Variants in ACIN1 observed in about 807,000 individuals in gnomAD.
ACIN1 encodes the protein apoptotic chromatin condensation inducer in the nucleus.
A neutral mutation model predicts 146.6 loss-of-function variants in ACIN1; 16 were observed. That is an observed-to-expected ratio of 0.11 (90% CI 0.07 to 0.17). The LOEUF is 0.17. Ranked by LOEUF, ACIN1 falls within the 10% of genes least tolerant of loss-of-function variation. ACIN1 has a pLI of 1.00. For synonymous variants in ACIN1, 569 were observed against 582.7 expected, an observed-to-expected ratio of 0.98 and a Z score of 0.34; for missense variants, 1,357 against 1,609.3, an observed-to-expected ratio of 0.84 and a Z score of 2.68.
chr14:23,066,623 G>A (rs1049886048), intron 9 of ACIN1: 1 of 152,336 alleles, frequency 6.6e-6, no homozygotes, highest in African/African-American at 2.4e-5. Context: ...CAGACCCACT[G>A]GAGATGAGGC....
At chr14:23,061,695 C>G (rs938992111) in intron 16 of ACIN1, 73 bp from the exon 17 acceptor site, 10 of 1,389,664 alleles carry the variant, frequency 7.2e-6, no homozygotes, top group Non-Finnish European at 8.6e-6. Flanking sequence ...CCAGGATGGC[C>G]GGGCGCGGTG....
chr14:23,059,527 C>T lies in ACIN1; in HGVS notation c.3526-53G>A, dbSNP rs1053653287. ...TAGGCAGCTCAGTCCTGGTCACAGC[C>T]TCCATTTGTGCCTGGACCCTGCCTC... On this transcript the variant is annotated intron_variant, in intron 18 of 18. Coordinates refer to ENST00000605057, the MANE Select transcript of ACIN1 (RefSeq NM_001386863.1). 7 of 1,465,058 alleles carry T rather than the reference C, an allele frequency of 4.8e-6. No individual in the cohort carries two copies. The African/African-American group carries it at 9.7e-5, about 20-fold the overall frequency. 90.8% of individuals were successfully genotyped at this position (1,465,058 alleles called of 1,614,324 possible).
At chr14:23,071,732 T>C (rs139875099) in intron 8 of ACIN1, 2 of 607,848 alleles carry the variant, frequency 3.3e-6, no homozygotes, top group African/African-American at 3.8e-5. Context: ...TTACAGCAGC[T>C]ACAGAGGCTT....
chr14:23,062,968 G>T lies in ACIN1; in HGVS notation c.2844C>A (p.Pro948=). ...GGACAATGTTGCTAATCTTGCCCCG[G>T]GGTGGGGAGGGCACCTGGGCAGTTC... ...PVRTAQVPSP[P]RGKISNIVHI... is the part of the protein sequence containing the mutation. The change falls in exon 14 of 19, where the codon CCC becomes CCA. Residue 948 remains proline (P), a synonymous_variant. Transcript: ENST00000605057. The T allele has an allele frequency of 6.2e-7, 1 of 1,612,296 alleles. No homozygotes were observed. Among genetic ancestry groups the T allele is most frequent in the Non-Finnish European group, 8.5e-7 (1 of 1,179,512 alleles).
chr14:23,059,183 T>A lies in ACIN1; in HGVS notation c.3817A>T (p.Ser1273Cys). Reference sequence around the variant, plus strand: ...CCACCCCGGTCCCGCACAGGTGTGCTCCGACTCCGGCTTCTGCTGTGGCGC... The same window carrying A: ...CCACCCCGGTCCCGCACAGGTGTGCACCGACTCCGGCTTCTGCTGTGGCGC... ...TKRHSRSRSR[S>C]TPVRDRGGRR The change falls in exon 19 of 19, where the codon AGC becomes TGC. Residue 1273 changes from serine (S) to cysteine (C), a missense_variant. This residue lies in a region of ACIN1 where 509 missense variants were observed against 719.6 expected (regional missense o/e 0.71). Coordinates refer to ENST00000605057, the MANE Select transcript of ACIN1 (RefSeq NM_001386863.1). The A allele has an allele frequency of 6.2e-7, 1 of 1,613,972 alleles. No individual in the cohort carries two copies.
chr14:23,095,549 G>A (rs1313902443), upstream of ACIN1: 3 of 484,330 alleles, frequency 6.2e-6, no homozygotes, highest in Non-Finnish European at 1.1e-5. Flanking sequence ...AGGAAATTTG[G>A]AAGCTGCCGC....
chr14:23,064,400 G>A lies in ACIN1; in HGVS notation c.2397C>T (p.Thr799=), dbSNP rs1566734642. 6.2e-7 allele frequency: 1 copy of A among 1,614,266 alleles called. No individual in the cohort carries two copies. The highest frequency in any genetic ancestry group is 8.5e-7 in the Non-Finnish European group (1 of 1,180,050). The change falls in exon 11 of 19, where the codon ACC becomes ACT. Residue 799 remains threonine (T), a synonymous_variant. Transcript: ENST00000605057. ...RKRRWGASTA[T]TQKKPSISIT... ...TACTGATGGAAGGTTTCTTCTGTGT[G>A]GTGGCTGTGCTGGCTCCCCAGCGTC...
intron 8 of ACIN1, among the ~76,000 whole-genome samples, chr14:23,069,833 C>A (rs2047575678): frequency 6.6e-6 from 1 of 152,100 alleles, no homozygotes; most frequent in South Asian, 2.1e-4. Flanking sequence ...TCACAGCAAC[C>A]ACATCCACCT....
At chr14:23,074,506 A>G (rs1484796980) in intron 8 of ACIN1, among the ~76,000 whole-genome samples, 3 of 152,136 alleles carry the variant, frequency 2.0e-5, no homozygotes, top group Non-Finnish European at 2.9e-5. Context: ...CGGAGGTTGC[A>G]GTGAGCAGAG....
Position 23,080,684 on chromosome 14 carries a change from CTCCTCTTCT to C in ACIN1, c.642_650del (p.Glu221_Glu223del), listed in dbSNP as rs1566750869. On this transcript the variant is annotated inframe_deletion, in exon 6 of 19. Transcript: ENST00000605057. ...CATCATCTTCTTCCTCCTCCTCCTC[CTCCTCTTCT>C]TCCTCCTCTGTTTTCAAATTTCGAT... 1.2e-5 allele frequency: 20 copies of C among 1,613,892 alleles called. No individual in the cohort carries two copies. The highest frequency in any genetic ancestry group is 1.6e-5 in the Non-Finnish European group (19 of 1,179,954).
rs1414723365 is a variant in ACIN1, at chr14:23,080,508, A to G, written c.827T>C (p.Leu276Ser). ...TCTTGTAAATCTCCCTCCTCTCTCT[A>G]ACACCTCCTGTTCCTGGGATCTTGT... ...PKTRSQEQEV[L>S]ERGGRFTRSQ... Residue 276 changes from leucine to serine, a missense_variant, in exon 6 of 19, where the codon TTA becomes TCA. By Grantham distance (145) the Leu-to-Ser change is moderately radical. This residue lies in a region of ACIN1 where 771 missense variants were observed against 746.6 expected (regional missense o/e 1.03). Transcript: ENST00000605057. 6.2e-7 allele frequency: 1 copy of G among 1,613,684 alleles called. No individual in the cohort carries two copies. The highest frequency in any genetic ancestry group is 1.7e-5 in the Admixed American group (1 of 59,964).
rs772244603 is a variant in ACIN1 at position 23,095,089 on chromosome 14, A to G, written c.24T>C (p.Thr8=). 60 of 1,614,070 alleles carry G rather than the reference A, an allele frequency of 3.7e-5. 2 individuals carry two copies. The South Asian group carries it at 6.0e-4, about 16-fold the overall frequency. The change falls in exon 1 of 19, where the codon ACT becomes ACC. Residue 8 remains threonine, a synonymous_variant. Coordinates refer to ENST00000605057, the MANE Select transcript of ACIN1 (RefSeq NM_001386863.1). The part of the protein sequence containing the change: MAELEEV[T]LDGKPLQALR... The stretch of plus-strand genomic sequence containing the variant: ...GCGCCTGAAGAGGCTTCCCGTCCAG[A>G]GTCACCTCCTCCAGCTCCGCCATCT...
At chr14:23,077,521 T>C (rs1217496363) in intron 8 of ACIN1, among the ~76,000 whole-genome samples, 1 of 152,200 alleles carries the variant, frequency 6.6e-6, no homozygotes, top group African/African-American at 2.4e-5. Flanking sequence ...TAACCTGATA[T>C]GAGTATTTCT....
At position 23,064,090 on chromosome 14, in the gene ACIN1, G is replaced by C. The variant is rs773830224; in HGVS notation, c.2595+15C>G. ...CTCCCACCTTTCCCCTGACACTGGG[G>C]TGCAGAAGCCTTACCTGAGTGACTG... is the stretch of plus-strand genomic sequence containing the variant. On this transcript the variant is annotated intron_variant, in intron 12 of 18. Transcript: ENST00000605057. The C allele has an allele frequency of 4.3e-5, 69 of 1,613,638 alleles. No homozygotes were observed. The highest frequency in any genetic ancestry group is 5.3e-5 in the Non-Finnish European group (62 of 1,179,870).
In ACIN1 at chr14:23,071,356, A is replaced by AG. The variant is rs1471978686; in HGVS notation, c.2124-1740dup. 7 of 1,526,522 alleles carry AG rather than the reference A, an allele frequency of 4.6e-6. No homozygotes were observed. In the East Asian group the frequency reaches 1.5e-4, roughly 32 times the overall value. 94.6% of individuals were successfully genotyped at this position (1,526,522 alleles called of 1,614,324 possible). Reference sequence around the variant, plus strand: ...GGGGATCCAAAAAATGGTAAATGGAAGGGGAGGTGGTGGTGGTGCGGGGAG... The same window carrying AG: ...GGGGATCCAAAAAATGGTAAATGGAAGGGGGAGGTGGTGGTGGTGCGGGGAG... On this transcript the variant is annotated intron_variant, in intron 8 of 18. Transcript: ENST00000605057.
chr14:23,093,565 A>C (rs1348807019), intron 1 of ACIN1, 21 bp from the exon 2 acceptor site: 1 of 1,607,714 alleles, frequency 6.2e-7, no homozygotes, highest in African/African-American at 1.3e-5. Flanking sequence ...GAAGGGTAAA[A>C]GTCAGAAATG....
intron 9 of ACIN1, chr14:23,069,082 G>A (rs1360739546): frequency 2.0e-6 from 2 of 991,464 alleles, no homozygotes; most frequent in Non-Finnish European, 2.4e-6. Flanking sequence ...AACCACCAAT[G>A]TCCACTAGAT....
Position 23,059,433 on chromosome 14 carries a change from C to T in ACIN1, c.3567G>A (p.Glu1189=), listed in dbSNP as rs1469697707. 10 of 1,613,884 alleles carry T rather than the reference C, an allele frequency of 6.2e-6. No homozygotes were observed. The highest frequency in any genetic ancestry group is 8.5e-6 in the Non-Finnish European group (10 of 1,180,000). ...CTTGCTCCTTTCGCCGCTTCTCCCG[C>T]TCCTTGGCCCGTTCGGCCCGCTCTG... The part of the protein sequence containing the change: ...KEAERAERAK[E]REKRRKEQEE... Residue 1189 remains glutamate, a synonymous_variant, in exon 19 of 19, where the codon GAG becomes GAA. Transcript: ENST00000605057.
At chr14:23,088,907 T>G (rs770949138) in intron 4 of ACIN1, among the ~76,000 whole-genome samples, 5 of 152,138 alleles carry the variant, frequency 3.3e-5, no homozygotes, top group Non-Finnish European at 7.3e-5. Context: ...AAGTTTTGGG[T>G]CTTTGGATTA....
Sources: gnomAD v4.1 joint callset for allele counts (sites outside exome capture counted in the v4.1 genomes callset) on GRCh38, gnomAD v4.1.1 for gene constraint, gnomAD v4.1.1 regional missense constraint, MANE v1.5 for transcripts, NCBI Gene and HGNC (gene_info 2026-07-23, HGNC 2026-07-21) for gene names.